UBE2R2: variants seen among roughly 807,000 people sequenced by gnomAD.
UBE2R2 encodes ubiquitin conjugating enzyme E2 R2.
Under a neutral mutation model 27.8 loss-of-function variants are expected in UBE2R2, and 1 was observed. The ratio of observed to expected loss-of-function variants is 0.04; its 90% confidence interval spans 0.01 to 0.17. The LOEUF (loss-of-function observed/expected upper bound fraction) is 0.17, where lower values mean the gene tolerates loss of function less well. UBE2R2 is among the 10% of genes least tolerant of loss of function. The pLI is 1.00. For synonymous variants in UBE2R2, 106 were observed against 113.3 expected, an observed-to-expected ratio of 0.94 and a Z score of 0.41; for missense variants, 100 against 291.0, an observed-to-expected ratio of 0.34 and a Z score of 4.78.
At chr9:33,881,464 G>T (rs766879282) in intron 1 of UBE2R2, among the ~76,000 whole-genome samples, 1 of 152,134 alleles carries the variant, frequency 6.6e-6, no homozygotes, top group Non-Finnish European at 1.5e-5. Flanking sequence ...CAGTCACTCT[G>T]TATTCTCCTG....
chr9:33,822,291 A>G (rs770017150), intron 1 of UBE2R2, among the ~76,000 whole-genome samples: 5 of 151,642 alleles, frequency 3.3e-5, no homozygotes, highest in Non-Finnish European at 7.4e-5. Context: ...AGGTTTCTCC[A>G]TGTTGGTTAG....
chr9:33,820,323 G>C (rs990140609), intron 1 of UBE2R2, among the ~76,000 whole-genome samples: 3 of 152,218 alleles, frequency 2.0e-5, no homozygotes, highest in Non-Finnish European at 4.4e-5. Context: ...TGTGATGTTA[G>C]ATTTCTTAAG....
At chr9:33,859,368 C>G (rs1328337513) in intron 1 of UBE2R2, among the ~76,000 whole-genome samples, 3 of 152,106 alleles carry the variant, frequency 2.0e-5, no homozygotes, top group African/African-American at 7.2e-5. Flanking sequence ...TTGAAATTTG[C>G]TTAGGCTCAT....
intron 4 of UBE2R2, among the ~76,000 whole-genome samples, chr9:33,915,713 G>C (rs2130825638): frequency 6.6e-6 from 1 of 152,328 alleles, no homozygotes. Context: ...GCTAGGCACT[G>C]ACTGGGGAAA....
At chr9:33,819,967 G>C (rs1054482910) in intron 1 of UBE2R2, among the ~76,000 whole-genome samples, 13 of 152,184 alleles carry the variant, frequency 8.5e-5, no homozygotes, top group African/African-American at 2.4e-5. Flanking sequence ...ACATTGTTTA[G>C]CAAAATCTGC....
intron 1 of UBE2R2, among the ~76,000 whole-genome samples, chr9:33,835,892 C>T (rs1820604217): frequency 6.6e-6 from 1 of 152,120 alleles, no homozygotes; most frequent in Non-Finnish European, 1.5e-5. Context: ...CTAAAAAAGG[C>T]TTGTAGAAGA....
At chr9:33,879,750 C>CTT (rs66929161) in intron 1 of UBE2R2, among the ~76,000 whole-genome samples, 55 of 67,338 alleles carry the variant, frequency 8.2e-4, no homozygotes, top group African/African-American at 1.7e-3. Flanking sequence ...GGTCACAAGA[C>CTT]TTTTTTTTTT....
intron 1 of UBE2R2, among the ~76,000 whole-genome samples, chr9:33,875,035 G>C (rs13299642): frequency 4.7e-5 from 7 of 150,350 alleles, no homozygotes; most frequent in African/African-American, 9.8e-5. Flanking sequence ...GGCTGGTCTC[G>C]AACTCCTGAC....
At position 33,920,205 on chromosome 9, in the gene UBE2R2, T is replaced by G. The variant is rs1822782345; in HGVS notation, c.*2968T>G. On this transcript the variant is annotated 3_prime_UTR_variant, in exon 5 of 5. Coordinates refer to ENST00000263228, the MANE Select transcript of UBE2R2 (RefSeq NM_017811.4). ...ATTCAGATGCAATTTTCAACTATTC[T>G]GAAACCAGCAGGACACACCTGACTT... The G allele has an allele frequency of 6.6e-6, 1 of 152,652 alleles. No homozygotes were observed. Among genetic ancestry groups the G allele is most frequent in the South Asian group, 2.1e-4 (1 of 4,830 alleles). The allele number at this position is 152,652 out of a possible 1,614,324, so 9.5% of individuals were successfully genotyped here.
intron 1 of UBE2R2, among the ~76,000 whole-genome samples, chr9:33,886,251 GTTATAAAAATAAAA>G (rs1821849347): frequency 6.6e-6 from 1 of 152,132 alleles, no homozygotes; most frequent in Non-Finnish European, 1.5e-5. Context: ...AGATTATTTT[GTTATAAAAATAAAA>G]TGTACAGAGT....
intron 2 of UBE2R2, among the ~76,000 whole-genome samples, chr9:33,899,225 T>A (rs10738919): frequency 0.33 from 49,542 of 151,934 alleles, 8,711 homozygotes; most frequent in African/African-American, 0.46. Context: ...TTTTTTTTTT[T>A]AAGATGGAGT....
At chr9:33,869,950 G>C (rs926807127) in intron 1 of UBE2R2, among the ~76,000 whole-genome samples, 2 of 152,006 alleles carry the variant, frequency 1.3e-5, no homozygotes, top group African/African-American at 4.8e-5. Flanking sequence ...GGGTTCAAGC[G>C]ATTCTCCTGC....
chr9:33,861,847 CTTTTTTTTTTT>C (rs775634986), intron 1 of UBE2R2, among the ~76,000 whole-genome samples: 1 of 95,456 alleles, frequency 1.0e-5, no homozygotes, highest in Non-Finnish European at 2.1e-5. Context: ...GATCCACTTT[CTTTTTTTTTTT>C]TTTTTTTTTT....
At chr9:33,818,757 C>T (rs1011017501) in intron 1 of UBE2R2, 3 of 152,066 alleles carry the variant, frequency 2.0e-5, no homozygotes, top group African/African-American at 7.3e-5. Context: ...TAGCTTCCTA[C>T]TTTCAGAGAC....
At chr9:33,887,449 T>A (rs1779633613) in intron 2 of UBE2R2, among the ~76,000 whole-genome samples, 1 of 152,176 alleles carries the variant, frequency 6.6e-6, no homozygotes, top group African/African-American at 2.4e-5. Context: ...TTGGAATAAA[T>A]TCAAGGTGAG....
intron 1 of UBE2R2, among the ~76,000 whole-genome samples, chr9:33,861,941 C>T (rs1821248106): frequency 6.7e-6 from 1 of 150,278 alleles, no homozygotes; most frequent in South Asian, 2.1e-4. Flanking sequence ...GCAACCTCTG[C>T]CTTCCAGGTT....
At chr9:33,835,505 A>G (rs1297334979) in intron 1 of UBE2R2, among the ~76,000 whole-genome samples, 1 of 152,044 alleles carries the variant, frequency 6.6e-6, no homozygotes, top group Non-Finnish European at 1.5e-5. Context: ...CTATTGCTGG[A>G]CACTTAAGTT....
intron 4 of UBE2R2, among the ~76,000 whole-genome samples, chr9:33,914,085 T>A (rs1194121808): frequency 6.6e-6 from 1 of 152,192 alleles, no homozygotes; most frequent in Non-Finnish European, 1.5e-5. Context: ...AATGACCTAG[T>A]ACAGTACCTG....
intron 1 of UBE2R2, among the ~76,000 whole-genome samples, chr9:33,879,650 A>T (rs529769321): frequency 6.7e-6 from 1 of 148,876 alleles, no homozygotes; most frequent in South Asian, 2.1e-4. Flanking sequence ...ATGGGGTTTC[A>T]CCATTTGCCC....
Sources: allele counts gnomAD v4.1 joint callset (sites outside exome capture counted in the v4.1 genomes callset), GRCh38; gene constraint gnomAD v4.1.1; transcripts MANE v1.5; gene names NCBI Gene and HGNC (gene_info 2026-07-23, HGNC 2026-07-21).